Variants in FHIT observed in about 807,000 individuals in gnomAD.
FHIT encodes the protein fragile histidine triad diadenosine triphosphatase.
Under a neutral mutation model 17.9 loss-of-function variants are expected in FHIT, and 19 were observed. The ratio of observed to expected loss-of-function variants is 1.06; its 90% CI spans 0.74 to 1.56. The LOEUF (loss-of-function observed/expected upper bound fraction) is 1.56. Among genes scored for constraint, FHIT ranks in the 40% most tolerant of loss-of-function variants. The pLI is 0.00. For missense variants in FHIT, 248 were observed against 189.2 expected (o/e 1.31, Z -1.82); for synonymous variants, 81 against 69.7 (o/e 1.16, Z -0.81).
chr3:60,121,266 G>A (rs748628947), intron 5 of FHIT, among the ~76,000 whole-genome samples: 2 of 152,084 alleles, frequency 1.3e-5, no homozygotes, highest in African/African-American at 2.4e-5. Context: ...AAAGTAAAAT[G>A]TGATCTATAT....
At chr3:60,854,834 C>T (rs1237362197) in intron 3 of FHIT, among the ~76,000 whole-genome samples, 1 of 152,126 alleles carries the variant, frequency 6.6e-6, no homozygotes, top group Non-Finnish European at 1.5e-5. Flanking sequence ...CTGAGCATTG[C>T]TGCTCCAAAC....
chr3:60,126,765 A>C (rs1445028182), intron 5 of FHIT, among the ~76,000 whole-genome samples: 1 of 152,160 alleles, frequency 6.6e-6, no homozygotes, highest in Non-Finnish European at 1.5e-5. Flanking sequence ...GAGTCATAAG[A>C]AATTTTCCCC....
At chr3:60,036,966 A>G (rs898618974) in intron 5 of FHIT, among the ~76,000 whole-genome samples, 9 of 152,200 alleles carry the variant, frequency 5.9e-5, no homozygotes, top group Admixed American at 1.3e-4. Context: ...ACTGGAAGAA[A>G]TTGCCTCTAG....
At chr3:60,576,288 AAAGAT>A (rs2037563142) in intron 4 of FHIT, among the ~76,000 whole-genome samples, 1 of 152,140 alleles carries the variant, frequency 6.6e-6, no homozygotes, top group Non-Finnish European at 1.5e-5. Flanking sequence ...CCTAGGACAA[AAAGAT>A]AAGGAGGTGG....
At chr3:59,895,487 G>C (rs1200687370) in intron 8 of FHIT, among the ~76,000 whole-genome samples, 1 of 152,168 alleles carries the variant, frequency 6.6e-6, no homozygotes, top group African/African-American at 2.4e-5. Context: ...ATCAGAACAT[G>C]ACTTTGCTTA....
rs557902058 is a variant in FHIT at position 61,060,832 on chromosome 3, A to C, written c.-163-18733T>G. 2.0e-5 allele frequency among the ~76,000 whole-genome samples: 3 copies of C among 152,304 alleles called. No individual in the cohort carries two copies. The East Asian group carries it at 5.8e-4, about 29-fold the overall frequency. On this transcript the variant is annotated intron_variant, in intron 2 of 9. Transcript: ENST00000492590. ...GTTCTTACAGCCTGGCTGGCTTTTCATCTAAGCAACCACAGAGCATGATCC... is the reference window on the plus strand; with the variant it reads ...GTTCTTACAGCCTGGCTGGCTTTTCCTCTAAGCAACCACAGAGCATGATCC...
intron 5 of FHIT, among the ~76,000 whole-genome samples, chr3:60,384,051 C>G (rs1050272415): frequency 1.3e-5 from 2 of 151,994 alleles, no homozygotes; most frequent in Non-Finnish European, 2.9e-5. Context: ...GGGTGGATCA[C>G]GAGGTCAGGA....
At chr3:60,257,776 T>G (rs1452347618) in intron 5 of FHIT, among the ~76,000 whole-genome samples, 1 of 152,170 alleles carries the variant, frequency 6.6e-6, no homozygotes, top group East Asian at 1.9e-4. Flanking sequence ...TCACTATCCT[T>G]AGCAAACTAA....
chr3:61,133,179 T>G (rs904871246), intron 2 of FHIT, among the ~76,000 whole-genome samples: 1 of 152,206 alleles, frequency 6.6e-6, no homozygotes, highest in Non-Finnish European at 1.5e-5. Context: ...CAAAGCACAT[T>G]GGACTTTTCC....
rs71089573 is a variant in FHIT at position 60,058,130 on chromosome 3, G to GTT, written c.104-43980_104-43979dup. On this transcript the variant is annotated intron_variant, in intron 5 of 9. Coordinates refer to ENST00000492590, the MANE Select transcript of FHIT (RefSeq NM_002012.4). The stretch of plus-strand genomic sequence containing the variant: ...TATTGTATAATGAGTACAGAGTTGT[G>GTT]TTTTTTTTTTTTTTTTTTTTTTTTT... Among the ~76,000 whole-genome samples the GTT allele has an allele frequency of 6.0e-4, 40 of 66,342 alleles. 1 individual carries two copies. Among genetic ancestry groups the GTT allele is most frequent in the East Asian group, 1.7e-3 (4 of 2,414 alleles). The allele number at this position is 66,342 out of a possible 152,430, so 43.5% of individuals were successfully genotyped here.
chr3:60,080,049 T>C (rs1346871552), intron 5 of FHIT, among the ~76,000 whole-genome samples: 1 of 152,148 alleles, frequency 6.6e-6, no homozygotes, highest in Non-Finnish European at 1.5e-5. Flanking sequence ...TACAAATAAG[T>C]AATTTTGAAA....
At position 60,194,400 on chromosome 3, in the gene FHIT, C is replaced by T. The variant is rs375963299; in HGVS notation, c.104-180248G>A. On this transcript the variant is annotated intron_variant, in intron 5 of 9. Coordinates refer to ENST00000492590, the MANE Select transcript of FHIT (RefSeq NM_002012.4). ...GATAGCCCCATGTAGAAGAATTAAA[C>T]GGGATCCTTATCTCTCATCATATAC... 9.9e-5 allele frequency among the ~76,000 whole-genome samples: 15 copies of T among 152,156 alleles called. No homozygotes were observed. In the South Asian group the frequency reaches 1.2e-3, roughly 13 times the overall value.
intron 5 of FHIT, among the ~76,000 whole-genome samples, chr3:60,199,039 G>C (rs138153382): frequency 7.9e-5 from 12 of 152,232 alleles, no homozygotes; most frequent in African/African-American, 2.9e-4. Flanking sequence ...GTTGTCAGAG[G>C]AATCACGCTA....
chr3:60,558,029 C>T (rs920029289), intron 4 of FHIT, among the ~76,000 whole-genome samples: 4 of 151,994 alleles, frequency 2.6e-5, no homozygotes, highest in African/African-American at 7.2e-5. Flanking sequence ...AATTTTGATC[C>T]GTTTCAAGTG....
chr3:60,362,376 G>C (rs566542072), intron 5 of FHIT, among the ~76,000 whole-genome samples: 3 of 152,226 alleles, frequency 2.0e-5, no homozygotes, highest in Middle Eastern at 3.4e-3. Context: ...AAACATGAAG[G>C]CTTTTCTGTT....
chr3:60,204,465 T>TG (rs1442516369), intron 5 of FHIT, among the ~76,000 whole-genome samples: 4 of 151,302 alleles, frequency 2.6e-5, no homozygotes, highest in East Asian at 1.9e-4. Flanking sequence ...TTTGTTTTGT[T>TG]TTTTTAGTAG....
intron 2 of FHIT, among the ~76,000 whole-genome samples, chr3:61,068,691 A>C (rs1405451756): frequency 6.6e-6 from 1 of 152,136 alleles, no homozygotes; most frequent in Non-Finnish European, 1.5e-5. Context: ...CTACCACACC[A>C]GTCAGTTCAC....
At chr3:60,803,297 A>G (rs561358573) in intron 4 of FHIT, among the ~76,000 whole-genome samples, 13 of 152,266 alleles carry the variant, frequency 8.5e-5, no homozygotes, top group Admixed American at 7.8e-4. Context: ...CTTCCTCGTG[A>G]TTACCGCCTA....
chr3:60,377,205 T>C (rs1342999730), intron 5 of FHIT, among the ~76,000 whole-genome samples: 2 of 52,278 alleles, frequency 3.8e-5, no homozygotes, highest in Admixed American at 1.6e-4. Flanking sequence ...GCCATTAAGC[T>C]TTTTTTTTTT....
Sources: gnomAD v4.1 joint callset for allele counts (sites outside exome capture counted in the v4.1 genomes callset) on GRCh38, gnomAD v4.1.1 for gene constraint, MANE v1.5 for transcripts, NCBI Gene and HGNC (gene_info 2026-07-23, HGNC 2026-07-21) for gene names.